Variants in KIF1C observed in about 807,000 individuals in gnomAD.
The protein encoded by KIF1C is kinesin-like protein KIF1C.
KIF1C carries 61 observed loss-of-function variants against 126.5 expected under a neutral mutation model. That is an observed-to-expected ratio of 0.48 (90% CI 0.39 to 0.60). The LOEUF (loss-of-function observed/expected upper bound fraction) is 0.60. Among genes scored for constraint, KIF1C ranks in the 20% least tolerant of loss-of-function variants. The probability of loss-of-function intolerance (pLI) is 0.00; values close to 1 mark genes in which losing one functional copy is unlikely to be tolerated. For synonymous variants in KIF1C, 640 were observed against 580.6 expected (o/e 1.10, Z -1.47); for missense variants, 1,315 against 1,489.2 (o/e 0.88, Z 1.93).
intron 18 of KIF1C, among the ~76,000 whole-genome samples, chr17:5,018,037 G>T (rs1180311130): frequency 6.6e-6 from 1 of 152,064 alleles, no homozygotes; most frequent in East Asian, 1.9e-4. Flanking sequence ...CTAGAGTGCA[G>T]TGGCATGATC....
intron 18 of KIF1C, among the ~76,000 whole-genome samples, chr17:5,018,908 A>G (rs1478739798): frequency 1.3e-5 from 2 of 152,102 alleles, no homozygotes; most frequent in Non-Finnish European, 2.9e-5. Flanking sequence ...GAATCAATAA[A>G]TGAATTTTGT....
intron 16 of KIF1C, among the ~76,000 whole-genome samples, chr17:5,008,052 T>G (rs1041937082): frequency 6.6e-6 from 1 of 152,000 alleles, no homozygotes; most frequent in African/African-American, 2.4e-5. Context: ...ACCTGAAAGA[T>G]GGACAGGACT....
intron 18 of KIF1C, among the ~76,000 whole-genome samples, chr17:5,018,716 GAAAAA>G (rs1162389708): frequency 1.3e-5 from 2 of 149,612 alleles, no homozygotes; most frequent in South Asian, 2.1e-4. Flanking sequence ...AAAAAAAAAA[GAAAAA>G]AGAAAAGCCA....
At chr17:5,018,640 A>G (rs1331667114) in intron 18 of KIF1C, among the ~76,000 whole-genome samples, 2 of 151,786 alleles carry the variant, frequency 1.3e-5, no homozygotes, top group Non-Finnish European at 2.9e-5. Context: ...GTGAGCTGAG[A>G]TCGCACCATT....
chr17:5,001,987 TG>T, intron 5 of KIF1C, 71 bp from the exon 6 acceptor site: 1 of 1,395,322 alleles, frequency 7.2e-7, no homozygotes, highest in Non-Finnish European at 1.0e-6. Context: ...GGACTGGGCC[TG>T]GCCTGTGGCT....
intron 18 of KIF1C, among the ~76,000 whole-genome samples, chr17:5,016,934 G>A (rs1473665162): frequency 2.6e-5 from 4 of 151,570 alleles, no homozygotes; most frequent in South Asian, 4.2e-4. Context: ...ATGCCTCTTC[G>A]GTTTCCATAT....
Position 5,023,325 on chromosome 17 carries a change from C to T in KIF1C, c.2629-143C>T, listed in dbSNP as rs1443887631. The T allele has an allele frequency of 7.2e-6, 5 of 696,312 alleles. No homozygotes were observed. Among genetic ancestry groups the T allele is most frequent in the South Asian group, 1.9e-5 (1 of 52,574 alleles). 43.1% of individuals were successfully genotyped at this position (696,312 alleles called of 1,614,324 possible). A position where few individuals can be genotyped will look rare whatever the true frequency, so the allele number is the denominator to read the frequency against. On this transcript the variant is annotated intron_variant, in intron 22 of 22. Transcript: ENST00000320785. This position sits in a 1 kb window ranked among gnomAD's most constrained non-coding sequence, Gnocchi z 4.2. ...TGAGCCACTGCGCCCGGCCCTAAAC[C>T]ACTATTTTTCGAGCTTCCTTATCTC...
intron 18 of KIF1C, chr17:5,019,755 G>A: frequency 3.6e-6 from 2 of 554,766 alleles, no homozygotes; most frequent in Non-Finnish European, 6.6e-6. Flanking sequence ...GATAGAGGTG[G>A]GTGAGTCAGG....
chr17:5,024,020 T>A lies in KIF1C; in HGVS notation c.3181T>A (p.Tyr1061Asn), dbSNP rs756839157. ...QHFQPKKHNSYPQPPQPYPAQ... is the reference protein window; with the variant it reads ...QHFQPKKHNSNPQPPQPYPAQ... ...CTTCCAGCCCAAAAAGCACAACTCT[T>A]ATCCCCAGCCACCCCAACCCTACCC... The change falls in exon 23 of 23, where the codon TAT becomes AAT. Residue 1061 changes from tyrosine to asparagine, a missense_variant. Physicochemically the swap from Tyr to Asn is moderately radical, Grantham distance 143 (BLOSUM62 -2). Transcript: ENST00000320785. 13 of 1,593,612 alleles carry A rather than the reference T, an allele frequency of 8.2e-6. No homozygotes were observed. Among genetic ancestry groups the A allele is most frequent in the African/African-American group, 1.4e-5 (1 of 73,930 alleles).
chr17:5,024,057 C>T lies in KIF1C; in HGVS notation c.3218C>T (p.Pro1073Leu), dbSNP rs1299876878. The T allele has an allele frequency of 2.5e-6, 4 of 1,584,806 alleles. No individual in the cohort carries two copies. The highest frequency in any genetic ancestry group is 2.7e-5 in the African/African-American group (2 of 73,742). ...CCCCAACCCTACCCAGCCCAGCGGCCCCCAGGGCCCCGCTACCCCCCATAC... is the reference window on the plus strand; with the variant it reads ...CCCCAACCCTACCCAGCCCAGCGGCTCCCAGGGCCCCGCTACCCCCCATAC... Reference protein sequence around the residue: ...QPPQPYPAQRPPGPRYPPYTT... With the variant: ...QPPQPYPAQRLPGPRYPPYTT... The change falls in exon 23 of 23, where the codon CCC becomes CTC. Residue 1073 changes from proline to leucine, a missense_variant. By Grantham distance (98) the Pro-to-Leu change is moderately conservative. Transcript: ENST00000320785.
At position 5,022,042 on chromosome 17, in the gene KIF1C, G is replaced by T; in HGVS notation, c.2011-50G>T. On this transcript the variant is annotated intron_variant, in intron 21 of 22. Coordinates refer to ENST00000320785, the MANE Select transcript of KIF1C (RefSeq NM_006612.6). This position sits in a 1 kb window ranked among gnomAD's most constrained non-coding sequence, Gnocchi z 4.9. ...AGGACACACTGGGCCAAGACACATG[G>T]GCTCTGGATGTCCTTAGCCCTCTCT... 6.5e-7 allele frequency: 1 copy of T among 1,538,306 alleles called. No homozygotes were observed.
intron 1 of KIF1C, among the ~76,000 whole-genome samples, chr17:4,999,350 C>T (rs912719360): frequency 1.3e-5 from 2 of 152,210 alleles, no homozygotes; most frequent in Non-Finnish European, 2.9e-5. Flanking sequence ...TTTGCAGTTT[C>T]CTCTCTGGTC....
rs749401324 is a variant in KIF1C at position 5,024,129 on chromosome 17, A to G, written c.3290A>G (p.Lys1097Arg). The G allele has an allele frequency of 1.2e-5, 20 of 1,610,460 alleles. No homozygotes were observed. Among genetic ancestry groups the G allele is most frequent in the Non-Finnish European group, 1.7e-5 (20 of 1,178,352 alleles). Residue 1097 changes from lysine to arginine, a missense_variant, in exon 23 of 23, where the codon AAG becomes AGG. Physicochemically the swap from Lys to Arg is conservative, Grantham distance 26. Coordinates refer to ENST00000320785, the MANE Select transcript of KIF1C (RefSeq NM_006612.6). ...CGGCAGCGTTCTGCCCCTGACCTCAAGGAGAGTGGGGCAGCTGTGTGAGTC... is the reference window on the plus strand; with the variant it reads ...CGGCAGCGTTCTGCCCCTGACCTCAGGGAGAGTGGGGCAGCTGTGTGAGTC... ...MRRQRSAPDL[K>R]ESGAAV
intron 17 of KIF1C, 125 bp downstream of exon 17, chr17:5,013,857 G>T: frequency 1.5e-6 from 1 of 681,924 alleles, no homozygotes; most frequent in Non-Finnish European, 2.6e-6. Flanking sequence ...CTAAACAGCT[G>T]CCTCCACAGC....
intron 11 of KIF1C, among the ~76,000 whole-genome samples, chr17:5,004,305 A>C (rs1397426926): frequency 1.3e-5 from 2 of 151,970 alleles, no homozygotes; most frequent in Non-Finnish European, 2.9e-5. Context: ...CCCCTCCCTG[A>C]TCCCTGATCT....
Position 5,003,855 on chromosome 17 carries a change from G to A in KIF1C, c.803G>A (p.Gly268Glu). ...ACATTCCTCATCCTTTTCCAGGAAG[G>A]AGCCAACATCAATAAGTCCCTGACT... ...SGARGMRLKE[G>E]ANINKSLTTL... The change falls in exon 10 of 23, where the codon GGA becomes GAA. Residue 268 changes from glycine (G) to glutamate (E), a missense_variant. Physicochemically the swap from Gly to Glu is moderately conservative, Grantham distance 98 (BLOSUM62 -2). This residue lies in a region of KIF1C where 874 missense variants were observed against 1,053.2 expected (regional missense o/e 0.83). Transcript: ENST00000320785. The A allele has an allele frequency of 6.2e-7, 1 of 1,613,668 alleles. No homozygotes were observed. The highest frequency in any genetic ancestry group is 8.5e-7 in the Non-Finnish European group (1 of 1,179,624).
intron 13 of KIF1C, among the ~76,000 whole-genome samples, chr17:5,006,385 G>A (rs2143329469): frequency 6.6e-6 from 1 of 151,922 alleles, no homozygotes; most frequent in Non-Finnish European, 1.5e-5. Context: ...CACCCAGGCT[G>A]GAGTGCAATG....
rs774623292 is a variant in KIF1C, at chr17:5,003,901, G to A, written c.849G>A (p.Ser283=). The A allele has an allele frequency of 5.0e-6, 8 of 1,613,984 alleles. No individual in the cohort carries two copies. The highest frequency in any genetic ancestry group is 4.4e-5 in the South Asian group (4 of 91,082). ...TGACTACACTAGGGAAAGTGATCTC[G>A]GCCCTTGCAGATATGGTGAGACCTG... is the stretch of plus-strand genomic sequence containing the variant. The part of the protein sequence containing the change: ...KSLTTLGKVI[S]ALADMQSKKR... Residue 283 remains serine, a synonymous_variant, in exon 10 of 23, where the codon TCG becomes TCA. Transcript: ENST00000320785.
intron 13 of KIF1C, 145 bp downstream of exon 13, chr17:5,005,145 G>GAAC (rs1974698068): frequency 1.0e-6 from 1 of 989,030 alleles, no homozygotes; most frequent in Non-Finnish European, 1.5e-6. Context: ...CACAGATGTG[G>GAAC]AGAGGGAACG....
Sources: allele counts gnomAD v4.1 joint callset (sites outside exome capture counted in the v4.1 genomes callset), GRCh38; gene constraint gnomAD v4.1.1; regional missense constraint gnomAD v4.1.1; non-coding constraint Gnocchi (gnomAD v3.1); transcripts MANE v1.5; gene names NCBI Gene and HGNC (gene_info 2026-07-23, HGNC 2026-07-21).